MAGI2: variants seen among roughly 807,000 people sequenced by gnomAD.
The protein encoded by MAGI2 is membrane-associated guanylate kinase, WW and PDZ domain-containing protein 2.
In MAGI2, 35 loss-of-function variants were observed where a neutral mutation model predicts 133.3. That is an observed-to-expected ratio of 0.26 (90% CI 0.20 to 0.35). MAGI2 has a LOEUF of 0.35. Among genes scored for constraint, MAGI2 ranks in the 10% least tolerant of loss-of-function variants. The probability of loss-of-function intolerance (pLI) is 1.00; values close to 1 mark genes in which losing one functional copy is unlikely to be tolerated. For missense variants in MAGI2, 1,636 were observed against 1,863.4 expected (o/e 0.88, Z 2.25); for synonymous variants, 729 against 710.6 (o/e 1.03, Z -0.41).
intron 1 of MAGI2, among the ~76,000 whole-genome samples, chr7:79,029,123 T>C (rs1810314315): frequency 6.6e-6 from 1 of 152,148 alleles, no homozygotes; most frequent in Non-Finnish European, 1.5e-5. Flanking sequence ...AATCATACTA[T>C]GGCAATGAAA....
At chr7:78,179,071 C>T (rs1485703856) in intron 13 of MAGI2, among the ~76,000 whole-genome samples, 2 of 152,230 alleles carry the variant, frequency 1.3e-5, no homozygotes, top group Admixed American at 6.5e-5. Context: ...TGTGACCAAG[C>T]TGCGCATACT....
At chr7:78,680,225 A>T (rs2047344) in intron 2 of MAGI2, among the ~76,000 whole-genome samples, 25,164 of 152,142 alleles carry the variant, frequency 0.17, 2,327 homozygotes, top group African/African-American at 0.21. Context: ...CTCAAGAACC[A>T]TTAACATGGA....
intron 1 of MAGI2, among the ~76,000 whole-genome samples, chr7:79,440,705 GAATT>G (rs968413855): frequency 2.0e-5 from 3 of 152,034 alleles, no homozygotes; most frequent in Non-Finnish European, 4.4e-5. Flanking sequence ...ACATAAGTAA[GAATT>G]ATTTTGGCTG....
intron 1 of MAGI2, among the ~76,000 whole-genome samples, chr7:79,088,041 T>A (rs938828891): frequency 6.6e-6 from 1 of 152,124 alleles, no homozygotes; most frequent in African/African-American, 2.4e-5. Context: ...AAGTCATTGG[T>A]AGCTTGATAG....
intron 21 of MAGI2, among the ~76,000 whole-genome samples, chr7:78,057,047 C>G (rs1354148495): frequency 7.3e-6 from 1 of 136,158 alleles, no homozygotes; most frequent in African/African-American, 2.8e-5. Context: ...ATGAGTGTGT[C>G]TATATATATA....
chr7:79,260,267 G>A (rs1833980456), intron 1 of MAGI2, among the ~76,000 whole-genome samples: 1 of 152,052 alleles, frequency 6.6e-6, no homozygotes, highest in Non-Finnish European at 1.5e-5. Flanking sequence ...AACATGGGAG[G>A]ATGACTTGAG....
In MAGI2 at chr7:78,689,682, C is replaced by CTTTTTTTTTTTTTT. The variant is rs200333526; in HGVS notation, c.419-62457_419-62444dup. Among the ~76,000 whole-genome samples the CTTTTTTTTTTTTTT allele has an allele frequency of 1.9e-3, 173 of 92,002 alleles. 2 individuals carry two copies. The highest frequency in any genetic ancestry group is 7.6e-3 in the Middle Eastern group (1 of 132). 60.4% of individuals were successfully genotyped at this position (92,002 alleles called of 152,430 possible). ...ACAATGTGTATCTTTTTGGATCTGG[C>CTTTTTTTTTTTTTT]TTTTTTTTTTTTTTTTTTTTTTGCT... is the stretch of plus-strand genomic sequence containing the variant. On this transcript the variant is annotated intron_variant, in intron 2 of 21. Coordinates refer to ENST00000354212, the MANE Select transcript of MAGI2 (RefSeq NM_012301.4).
chr7:78,831,074 AT>A (rs11427935), intron 2 of MAGI2, among the ~76,000 whole-genome samples: 2 of 151,844 alleles, frequency 1.3e-5, no homozygotes, highest in Admixed American at 1.3e-4. Flanking sequence ...TCTTATCAAC[AT>A]TTTTTCCCCA....
rs375130463 is a variant in MAGI2, at chr7:78,338,684, C to T, written c.1408+5094G>A. On this transcript the variant is annotated intron_variant, in intron 9 of 21. Transcript: ENST00000354212. ...GGGATGTTGCAGAAATGTGTTTTTA[C>T]ATGTCATTTTAAATTATCTCACAAT... 1.7e-4 allele frequency among the ~76,000 whole-genome samples: 26 copies of T among 152,302 alleles called. No individual in the cohort carries two copies. The East Asian group carries it at 3.5e-3, about 20-fold the overall frequency.
chr7:78,639,109 C>T (rs959569474), intron 2 of MAGI2, among the ~76,000 whole-genome samples: 2 of 152,108 alleles, frequency 1.3e-5, no homozygotes, highest in Non-Finnish European at 2.9e-5. Context: ...TGGATCATAA[C>T]TTTATCATTT....
intron 2 of MAGI2, among the ~76,000 whole-genome samples, chr7:78,673,574 A>T (rs1814648725): frequency 6.6e-6 from 1 of 152,106 alleles, no homozygotes; most frequent in Admixed American, 6.6e-5. Context: ...AAGAAGACCA[A>T]TGTCCTAGCT....
intron 21 of MAGI2, among the ~76,000 whole-genome samples, chr7:78,075,184 G>C (rs1189579710): frequency 6.6e-6 from 1 of 152,068 alleles, no homozygotes; most frequent in Non-Finnish European, 1.5e-5. Flanking sequence ...GAGTCTCCAG[G>C]GAATTTTCTT....
chr7:78,763,806 G>GT (rs1209722445), intron 2 of MAGI2, among the ~76,000 whole-genome samples: 2 of 152,156 alleles, frequency 1.3e-5, no homozygotes, highest in Non-Finnish European at 2.9e-5. Context: ...AATGGAAACT[G>GT]TATCAATAAT....
intron 9 of MAGI2, among the ~76,000 whole-genome samples, chr7:78,263,542 G>T (rs149401580): frequency 7.2e-5 from 11 of 152,082 alleles, no homozygotes; most frequent in African/African-American, 2.7e-4. Context: ...TGGGGTAATG[G>T]GGTTCTAAAG....
chr7:78,224,694 AT>A (rs566236945), intron 10 of MAGI2, among the ~76,000 whole-genome samples: 24,725 of 142,184 alleles, frequency 0.17, 2,446 homozygotes, highest in East Asian at 0.33. Flanking sequence ...AACAACGTAA[AT>A]TTTTTTTTTT....
intron 2 of MAGI2, among the ~76,000 whole-genome samples, chr7:78,682,421 T>C (rs1815781741): frequency 6.6e-6 from 1 of 152,122 alleles, no homozygotes; most frequent in African/African-American, 2.4e-5. Context: ...CCCCTCCCTG[T>C]GTCCATGTGT....
intron 18 of MAGI2, among the ~76,000 whole-genome samples, chr7:78,128,496 A>G (rs1821220610): frequency 6.6e-6 from 1 of 152,244 alleles, no homozygotes; most frequent in South Asian, 2.1e-4. Flanking sequence ...AATATTTAGC[A>G]GCAAGAAAAA....
Position 78,763,655 on chromosome 7 carries a change from G to A in MAGI2, c.419-136416C>T, listed in dbSNP as rs943270272. 5.9e-5 allele frequency among the ~76,000 whole-genome samples: 9 copies of A among 152,204 alleles called. No individual in the cohort carries two copies. In the East Asian group the frequency reaches 7.7e-4, roughly 13 times the overall value. ...GGCAAGAAGGCCTAAGCGAAACCCC[G>A]CTCTTTAGACAGACATATGCTGAAT... On this transcript the variant is annotated intron_variant, in intron 2 of 21. Transcript: ENST00000354212.
intron 1 of MAGI2, among the ~76,000 whole-genome samples, chr7:79,176,672 T>C (rs1562965159): frequency 6.6e-6 from 1 of 151,990 alleles, no homozygotes; most frequent in Non-Finnish European, 1.5e-5. Context: ...AGAATTTGCC[T>C]TTGCCCACTA....
Sources: gnomAD v4.1 joint callset for allele counts (sites outside exome capture counted in the v4.1 genomes callset) on GRCh38, gnomAD v4.1.1 for gene constraint, MANE v1.5 for transcripts, NCBI Gene and HGNC (gene_info 2026-07-23, HGNC 2026-07-21) for gene names.